SACS: variants seen among roughly 807,000 people sequenced by gnomAD.
SACS encodes the protein sacsin molecular chaperone.
In SACS, 197 loss-of-function variants were observed where a neutral mutation model predicts 348.0. That is an observed-to-expected ratio of 0.57 (90% CI 0.50 to 0.64). The LOEUF (loss-of-function observed/expected upper bound fraction) is 0.64. Ranked by LOEUF, SACS falls within the 30% of genes least tolerant of loss-of-function variation. The pLI, the probability that SACS is intolerant of heterozygous loss-of-function variation, is 0.00. For synonymous variants in SACS, 1,985 were observed against 1,910.6 expected, an observed-to-expected ratio of 1.04 and a Z score of -1.02; for missense variants, 4,999 against 5,360.8, an observed-to-expected ratio of 0.93 and a Z score of 2.11.
At position 23,335,467 on chromosome 13, in the gene SACS, G is replaced by C. The variant is rs746612218; in HGVS notation, c.8409C>G (p.Thr2803=). 10 of 1,613,656 alleles carry C rather than the reference G, an allele frequency of 6.2e-6. No individual in the cohort carries two copies. The highest frequency in any genetic ancestry group is 7.6e-6 in the Non-Finnish European group (9 of 1,179,844). ...QLKDIPVQQI[T]YTMDTEDSEG... ...CAGAGTCCTCAGTATCCATAGTATAGGTTATTTGTTGAACTGGTATGTCTT... is the reference window on the plus strand; with the variant it reads ...CAGAGTCCTCAGTATCCATAGTATACGTTATTTGTTGAACTGGTATGTCTT... Residue 2803 remains threonine, a synonymous_variant, in exon 10 of 10, where the codon ACC becomes ACG. Transcript: ENST00000382292. The surrounding 1 kb of genome is among the most constrained non-coding windows in gnomAD (Gnocchi z 4.7).
At chr13:23,414,247 T>A (rs1254871308) in intron 1 of SACS, among the ~76,000 whole-genome samples, 1 of 152,182 alleles carries the variant, frequency 6.6e-6, no homozygotes, top group Admixed American at 6.5e-5. Context: ...GAGCCTACAG[T>A]GAGCAGAGAT....
At position 23,336,795 on chromosome 13, in the gene SACS, A is replaced by G; in HGVS notation, c.7081T>C (p.Phe2361Leu). The G allele has an allele frequency of 6.2e-7, 1 of 1,613,890 alleles. No homozygotes were observed. ...NAYVDSEKVS[F>L]HLNFEAAPYL... ...GGTGCCGCCTCAAAATTTAAATGAAAAGAAACCTTTTCTGAGTCAACATAT... is the reference window on the plus strand; with the variant it reads ...GGTGCCGCCTCAAAATTTAAATGAAGAGAAACCTTTTCTGAGTCAACATAT... The change falls in exon 10 of 10, where the codon TTT becomes CTT. Residue 2361 changes from phenylalanine (F) to leucine (L), a missense_variant. By Grantham distance (22) the Phe-to-Leu change is conservative. Around this residue, in one of 6 missense-constraint regions of SACS, gnomAD observed 3,156 missense variants for 3,380.1 expected, o/e 0.93. Coordinates refer to ENST00000382292, the MANE Select transcript of SACS (RefSeq NM_014363.6).
chr13:23,427,779 G>A (rs1874248021), intron 1 of SACS: 1 of 152,236 alleles, frequency 6.6e-6, no homozygotes, highest in Admixed American at 6.5e-5. Flanking sequence ...AGAGAAGGGG[G>A]GATAAAGCTG....
chr13:23,424,525 CAA>C (rs36055133), intron 1 of SACS, among the ~76,000 whole-genome samples: 15 of 91,656 alleles, frequency 1.6e-4, no homozygotes, highest in Admixed American at 2.2e-4. Context: ...AACTCTGTCT[CAA>C]AAAAAAAAAA....
In SACS at chr13:23,335,396, GAA is replaced by G; in HGVS notation, c.8478_8479del (p.Ser2827LysfsTer7). On this transcript the variant is annotated frameshift_variant, in exon 10 of 10. Transcript: ENST00000382292. LOFTEE classifies it high-confidence loss of function. The surrounding 1 kb of genome is among the most constrained non-coding windows in gnomAD (Gnocchi z 4.7). ...ACTTTTAGATACTTTCTCCATACTT[GAA>G]AAGCCTGATCTATTACAAATTAGCC... 1 of 1,613,830 alleles carries G rather than the reference GAA, an allele frequency of 6.2e-7. No individual in the cohort carries two copies. Among genetic ancestry groups the G allele is most frequent in the Non-Finnish European group, 8.5e-7 (1 of 1,179,866 alleles).
At chr13:23,426,800 T>C (rs1874202371) in intron 1 of SACS, among the ~76,000 whole-genome samples, 1 of 152,196 alleles carries the variant, frequency 6.6e-6, no homozygotes, top group Non-Finnish European at 1.5e-5. Context: ...AAATCAGATA[T>C]GCATCTATCT....
In SACS at chr13:23,330,064, G is replaced by T; in HGVS notation, c.*72C>A. Reference sequence around the variant, plus strand: ...CAATTCCTAGCTAATTGGCAATGAAGCTTAATGAAGTACAGCAATTTATTC... The same window carrying T: ...CAATTCCTAGCTAATTGGCAATGAATCTTAATGAAGTACAGCAATTTATTC... On this transcript the variant is annotated 3_prime_UTR_variant, in exon 10 of 10. Coordinates refer to ENST00000382292, the MANE Select transcript of SACS (RefSeq NM_014363.6). 1 of 1,357,174 alleles carries T rather than the reference G, an allele frequency of 7.4e-7. No homozygotes were observed. The highest frequency in any genetic ancestry group is 1.0e-6 in the Non-Finnish European group (1 of 964,040). 84.1% of individuals were successfully genotyped at this position (1,357,174 alleles called of 1,614,324 possible).
chr13:23,396,752 T>C (rs9552945), intron 2 of SACS, among the ~76,000 whole-genome samples: 44,721 of 152,096 alleles, frequency 0.29, 6,854 homozygotes, highest in East Asian at 0.45. Flanking sequence ...CTGAAAATAG[T>C]TAACAGTTAA....
In SACS at chr13:23,365,239, TTC is replaced by T. The variant is rs757179309; in HGVS notation, c.382_383del (p.Glu128SerfsTer2). 2.5e-6 allele frequency: 4 copies of T among 1,611,876 alleles called. No individual in the cohort carries two copies. The highest frequency in any genetic ancestry group is 2.7e-5 in the African/African-American group (2 of 74,896). On this transcript the variant is annotated frameshift_variant, in exon 6 of 10. Transcript: ENST00000382292. LOFTEE classifies it high-confidence loss of function. ...IQNAEDAGAT[E>X]VKFLYDETQY... ...GAGTTTCATCATATAAAAATTTAAC[TTC>T]TGTCGCCCCAGCATCTTCTGCATTC... is the stretch of plus-strand genomic sequence containing the variant.
rs1868875224 is a variant in SACS at position 23,338,489 on chromosome 13, G to C, written c.5387C>G (p.Ala1796Gly). 1 of 1,614,044 alleles carries C rather than the reference G, an allele frequency of 6.2e-7. No homozygotes were observed. Among genetic ancestry groups the C allele is most frequent in the Non-Finnish European group, 8.5e-7 (1 of 1,180,016 alleles). ...DDDPAALFEM[A>G]KSGQSKKPSD... is the part of the protein sequence containing the mutation. ...TGGCTTTTTTGATTGGCCAGACTTA[G>C]CCATTTCAAAGAGAGCAGCTGGGTC... Residue 1796 changes from alanine (A) to glycine (G), a missense_variant, in exon 10 of 10, where the codon GCT becomes GGT. Physicochemically the swap from Ala to Gly is moderately conservative, Grantham distance 60. Transcript: ENST00000382292.
intron 2 of SACS, among the ~76,000 whole-genome samples, chr13:23,388,552 A>G (rs986238573): frequency 6.6e-6 from 1 of 150,464 alleles, no homozygotes; most frequent in Non-Finnish European, 1.5e-5. Context: ...TAAAAAAACA[A>G]ACAAATAAAA....
At chr13:23,370,476 G>C (rs1871317227) in intron 4 of SACS, among the ~76,000 whole-genome samples, 1 of 152,126 alleles carries the variant, frequency 6.6e-6, no homozygotes, top group Non-Finnish European at 1.5e-5. Flanking sequence ...ATTAATATCA[G>C]ATCTACCCTA....
At chr13:23,389,417 A>G (rs9578587) in intron 2 of SACS, among the ~76,000 whole-genome samples, 14,979 of 152,208 alleles carry the variant, frequency 0.098, 818 homozygotes, top group East Asian at 0.13. Context: ...AAATATATAT[A>G]TATTAGTAAC....
In SACS at chr13:23,339,695, G is replaced by A. The variant is rs1293379826; in HGVS notation, c.4181C>T (p.Pro1394Leu). The change falls in exon 10 of 10, where the codon CCA becomes CTA. Residue 1394 changes from proline to leucine, a missense_variant. Physicochemically the swap from Pro to Leu is moderately conservative, Grantham distance 98. Coordinates refer to ENST00000382292, the MANE Select transcript of SACS (RefSeq NM_014363.6). Reference protein sequence around the residue: ...SKNPSKLIMKPIHECCYCDIK... With the variant: ...SKNPSKLIMKLIHECCYCDIK... ...GTCACAATAACAGCATTCGTGAATT[G>A]GCTTCATGATAAGTTTAGAAGGATT... 6 of 1,613,866 alleles carry A rather than the reference G, an allele frequency of 3.7e-6. No individual in the cohort carries two copies. In the Admixed American group the frequency reaches 1.0e-4, roughly 27 times the overall value.
intron 9 of SACS, among the ~76,000 whole-genome samples, chr13:23,352,246 G>A (rs1403749233): frequency 2.6e-5 from 4 of 152,166 alleles, no homozygotes; most frequent in African/African-American, 7.2e-5. Context: ...AAACCACACA[G>A]TAAAATACCG....
At chr13:23,408,020 T>C (rs1358090805) in intron 2 of SACS, among the ~76,000 whole-genome samples, 2 of 152,026 alleles carry the variant, frequency 1.3e-5, no homozygotes, top group Non-Finnish European at 2.9e-5. Flanking sequence ...GTATTAGGAG[T>C]TGAGTCCCTA....
intron 4 of SACS, among the ~76,000 whole-genome samples, chr13:23,369,606 G>A (rs1490135017): frequency 3.3e-5 from 5 of 150,672 alleles, no homozygotes; most frequent in East Asian, 1.9e-4. Context: ...GTGCAGTGGC[G>A]CAATCTCAGC....
At position 23,355,957 on chromosome 13, in the gene SACS, G is replaced by T. The variant is rs146784878; in HGVS notation, c.655C>A (p.Gln219Lys). Reference protein sequence around the residue: ...GDQIGMLDPHQTLFGPHESGQ... With the variant: ...GDQIGMLDPHKTLFGPHESGQ... The stretch of plus-strand genomic sequence containing the variant: ...GATTCATGTGGGCCAAAAAGTGTTT[G>T]ATGAGGATCTAGCATCCCGATTTGG... Residue 219 changes from glutamine to lysine, a missense_variant, in exon 8 of 10, where the codon CAA becomes AAA. Physicochemically the swap from Gln to Lys is moderately conservative, Grantham distance 53 (BLOSUM62 1). Coordinates refer to ENST00000382292, the MANE Select transcript of SACS (RefSeq NM_014363.6). 4.3e-6 allele frequency: 7 copies of T among 1,613,936 alleles called. No individual in the cohort carries two copies. In the African/African-American group the frequency reaches 9.3e-5, roughly 22 times the overall value.
Position 23,333,012 on chromosome 13 carries a change from G to T in SACS, c.10864C>A (p.Gln3622Lys). 1 of 1,613,914 alleles carries T rather than the reference G, an allele frequency of 6.2e-7. No homozygotes were observed. Among genetic ancestry groups the T allele is most frequent in the Non-Finnish European group, 8.5e-7 (1 of 1,179,914 alleles). The change falls in exon 10 of 10, where the codon CAA becomes AAA. Residue 3622 changes from glutamine to lysine, a missense_variant. Gln to Lys is a moderately conservative substitution (Grantham distance 53). Coordinates refer to ENST00000382292, the MANE Select transcript of SACS (RefSeq NM_014363.6). ...NTENWSKETLQNTVDILLHHI... is the reference protein window; with the variant it reads ...NTENWSKETLKNTVDILLHHI... ...TGCAGAAGGATATCAACTGTATTTT[G>T]CAATGTTTCTTTGGACCAGTTTTCT... is the stretch of plus-strand genomic sequence containing the variant.
Sources: allele counts gnomAD v4.1 joint callset (sites outside exome capture counted in the v4.1 genomes callset), GRCh38; gene constraint gnomAD v4.1.1; regional missense constraint gnomAD v4.1.1; non-coding constraint Gnocchi (gnomAD v3.1); transcripts MANE v1.5; gene names NCBI Gene and HGNC (gene_info 2026-07-23, HGNC 2026-07-21).